Variants in PTPRD observed in about 807,000 individuals in gnomAD.
The protein encoded by PTPRD is receptor-type tyrosine-protein phosphatase delta.
In PTPRD, 34 loss-of-function variants were observed where a neutral mutation model predicts 214.5. The ratio of observed to expected loss-of-function variants is 0.16; its 90% CI spans 0.12 to 0.21. The LOEUF is 0.21. Among genes scored for constraint, PTPRD ranks in the 10% least tolerant of loss-of-function variants. PTPRD has a pLI of 1.00. For missense variants in PTPRD, 2,545 were observed against 2,398.7 expected (o/e 1.06, Z -1.27); for synonymous variants, 1,128 against 845.7 (o/e 1.33, Z -5.79).
rs138775068 is a variant in PTPRD at position 8,341,196 on chromosome 9, G to T, written c.5020C>A (p.Arg1674Ser). 1.2e-6 allele frequency: 2 copies of T among 1,612,826 alleles called. No individual in the cohort carries two copies. Among genetic ancestry groups the T allele is most frequent in the African/African-American group, 2.7e-5 (2 of 74,812 alleles). ...TCATATGGCATAATATTAACAAGGC[G>T]ATTTTTGAATTTATTACATGGAAGA... ...ANLPCNKFKN[R>S]LVNIMPYEST... The change falls in exon 41 of 46, where the codon CGC becomes AGC. Residue 1674 changes from arginine to serine, a missense_variant. Arg to Ser is a moderately radical substitution (Grantham distance 110, BLOSUM62 -1). Coordinates refer to ENST00000381196, the MANE Select transcript of PTPRD (RefSeq NM_002839.4).
chr9:9,277,966 C>G (rs1247061741), intron 9 of PTPRD, among the ~76,000 whole-genome samples: 1 of 151,232 alleles, frequency 6.6e-6, no homozygotes, highest in East Asian at 2.0e-4. Context: ...TTTAGGACAA[C>G]CAGGTGGAAG....
At chr9:9,532,054 G>A (rs2075594946) in intron 8 of PTPRD, among the ~76,000 whole-genome samples, 1 of 151,822 alleles carries the variant, frequency 6.6e-6, no homozygotes, top group East Asian at 1.9e-4. Flanking sequence ...CATATTAAAT[G>A]GTAAAAATAT....
intron 8 of PTPRD, among the ~76,000 whole-genome samples, chr9:9,499,232 T>A (rs1485520751): frequency 6.6e-6 from 1 of 152,128 alleles, no homozygotes; most frequent in Non-Finnish European, 1.5e-5. Context: ...TATCAAGACG[T>A]ATGATGTTAT....
chr9:9,502,528 T>C (rs191974309), intron 8 of PTPRD, among the ~76,000 whole-genome samples: 23 of 152,084 alleles, frequency 1.5e-4, no homozygotes, highest in Non-Finnish European at 2.8e-4. Context: ...TTTGGACTAA[T>C]ACTTTCTTAT....
intron 2 of PTPRD, among the ~76,000 whole-genome samples, chr9:10,456,069 C>T (rs756035314): frequency 4.6e-5 from 7 of 151,782 alleles, no homozygotes; most frequent in African/African-American, 9.7e-5. Flanking sequence ...GTCTTGTAGT[C>T]TTTGTCTATT....
chr9:8,525,210 A>C, intron 17 of PTPRD, 175 bp from the exon 18 acceptor site: 1 of 731,700 alleles, frequency 1.4e-6, no homozygotes, highest in Non-Finnish European at 2.5e-6. Flanking sequence ...AAAAACATAT[A>C]GAGATTATTT....
chr9:10,520,671 C>T (rs1015624787), intron 2 of PTPRD, among the ~76,000 whole-genome samples: 1 of 152,132 alleles, frequency 6.6e-6, no homozygotes, highest in African/African-American at 2.4e-5. Flanking sequence ...GACAGGTTGA[C>T]TCTCTTGCTA....
At chr9:9,675,485 A>G (rs2096911590) in intron 7 of PTPRD, among the ~76,000 whole-genome samples, 1 of 151,812 alleles carries the variant, frequency 6.6e-6, no homozygotes, top group Admixed American at 6.6e-5. Flanking sequence ...AATACAAGAA[A>G]TTATAAAAAA....
chr9:8,717,573 T>C (rs2098450479), intron 12 of PTPRD, among the ~76,000 whole-genome samples: 1 of 152,162 alleles, frequency 6.6e-6, no homozygotes, highest in South Asian at 2.1e-4. Flanking sequence ...CCACAACACT[T>C]CCCAGTTTAA....
intron 12 of PTPRD, among the ~76,000 whole-genome samples, chr9:8,689,602 G>C (rs1399880568): frequency 1.3e-5 from 2 of 152,068 alleles, no homozygotes; most frequent in Non-Finnish European, 2.9e-5. Context: ...GAATAGTATG[G>C]GGAAACCACC....
chr9:8,490,348 A>G (rs540148567), intron 27 of PTPRD, among the ~76,000 whole-genome samples: 2 of 152,268 alleles, frequency 1.3e-5, no homozygotes, highest in African/African-American at 4.8e-5. Context: ...GTTGCCCTTT[A>G]CTTTTTAGCA....
chr9:9,427,409 T>G (rs985852402), intron 8 of PTPRD, among the ~76,000 whole-genome samples: 6 of 152,142 alleles, frequency 3.9e-5, no homozygotes, highest in African/African-American at 4.8e-5. Flanking sequence ...AATATGGGAC[T>G]ATGTGAAAAG....
At chr9:9,555,655 C>T (rs545224627) in intron 8 of PTPRD, among the ~76,000 whole-genome samples, 4 of 152,088 alleles carry the variant, frequency 2.6e-5, no homozygotes, top group South Asian at 4.1e-4. Context: ...AAATCTAGTA[C>T]AAGAAGAAAC....
At chr9:9,425,368 A>ATAT (rs1174246191) in intron 8 of PTPRD, among the ~76,000 whole-genome samples, 1 of 47,762 alleles carries the variant, frequency 2.1e-5, no homozygotes, top group Admixed American at 2.1e-4. Flanking sequence ...TATATAAAAT[A>ATAT]TATATTATAA....
At chr9:10,055,113 A>C (rs1206374311) in intron 3 of PTPRD, among the ~76,000 whole-genome samples, 1 of 152,070 alleles carries the variant, frequency 6.6e-6, no homozygotes, top group African/African-American at 2.4e-5. Context: ...CCAGGAATTG[A>C]ATCTTCCTAA....
At chr9:9,199,254 T>A (rs906496363) in intron 9 of PTPRD, among the ~76,000 whole-genome samples, 1 of 152,214 alleles carries the variant, frequency 6.6e-6, no homozygotes, top group Non-Finnish European at 1.5e-5. Context: ...CGTGTATTAT[T>A]GCTGGGATAA....
intron 14 of PTPRD, among the ~76,000 whole-genome samples, chr9:8,619,617 A>C (rs1333108312): frequency 6.6e-6 from 1 of 151,900 alleles, no homozygotes; most frequent in Non-Finnish European, 1.5e-5. Flanking sequence ...ACAACCATTC[A>C]GCTCTTACAT....
At chr9:9,974,485 C>G (rs2095278531) in intron 4 of PTPRD, among the ~76,000 whole-genome samples, 1 of 152,100 alleles carries the variant, frequency 6.6e-6, no homozygotes, top group Non-Finnish European at 1.5e-5. Flanking sequence ...ACAACTCTGG[C>G]CAATAAGGTC....
intron 5 of PTPRD, among the ~76,000 whole-genome samples, chr9:9,817,211 A>G (rs975127701): frequency 1.3e-5 from 2 of 152,192 alleles, no homozygotes; most frequent in African/African-American, 4.8e-5. Context: ...TGAAAAATAA[A>G]TCTTAAAACT....
Sources: gnomAD v4.1 joint callset for allele counts (sites outside exome capture counted in the v4.1 genomes callset) on GRCh38, gnomAD v4.1.1 for gene constraint, MANE v1.5 for transcripts, NCBI Gene and HGNC (gene_info 2026-07-23, HGNC 2026-07-21) for gene names.